C11orf65: variants seen among roughly 807,000 people sequenced by gnomAD.
C11orf65 encodes the protein chromosome 11 open reading frame 65, also known as protein MFI.
C11orf65 carries 38 observed loss-of-function variants against 35.3 expected under a neutral mutation model. The observed-to-expected ratio is 1.08, with a 90% CI of 0.83 to 1.41. C11orf65 has a LOEUF of 1.41. Among genes scored for constraint, C11orf65 ranks in the 40% most tolerant of loss-of-function variants. The pLI, the probability that C11orf65 is intolerant of heterozygous loss-of-function variation, is 0.00. For synonymous variants in C11orf65, 105 were observed against 114.4 expected (o/e 0.92, Z 0.53); for missense variants, 370 against 367.1 (o/e 1.01, Z -0.06).
At chr11:108,354,932 T>A (rs547667907) in intron 2 of C11orf65, 2 of 1,429,470 alleles carry the variant, frequency 1.4e-6, no homozygotes, top group Non-Finnish European at 2.0e-6. Context: ...ACTGTGTATC[T>A]CATCAGGAAG....
intron 2 of C11orf65, among the ~76,000 whole-genome samples, chr11:108,337,329 A>G (rs2086959343): frequency 6.6e-6 from 1 of 152,222 alleles, no homozygotes; most frequent in Admixed American, 6.5e-5. Flanking sequence ...GATGTTTTCC[A>G]TTAGCAGTTT....
intron 3 of C11orf65, among the ~76,000 whole-genome samples, chr11:108,411,604 G>A (rs1272108258): frequency 6.6e-6 from 1 of 152,090 alleles, no homozygotes; most frequent in African/African-American, 2.4e-5. Flanking sequence ...GACTATGCTT[G>A]ATGATTACTA....
At chr11:108,356,741 T>TA (rs2089975314) in intron 2 of C11orf65, among the ~76,000 whole-genome samples, 1 of 152,118 alleles carries the variant, frequency 6.6e-6, no homozygotes, top group African/African-American at 2.4e-5. Context: ...TCAGAAATCT[T>TA]ACTAGTTTAA....
rs876660650 is a variant in C11orf65 at position 108,325,349 on chromosome 11, G to A, written c.641-16278C>T. 2 of 1,601,492 alleles carry A rather than the reference G, an allele frequency of 1.2e-6. No individual in the cohort carries two copies. The highest frequency in any genetic ancestry group is 1.1e-5 in the South Asian group (1 of 90,676). ...GACAACTCTCTGAAGTATATATTAAGTGGCAGAAACACTCCCAGCTTCTCA... is the reference window on the plus strand; with the variant it reads ...GACAACTCTCTGAAGTATATATTAAATGGCAGAAACACTCCCAGCTTCTCA... On this transcript the variant is annotated intron_variant, in intron 6 of 6. Coordinates refer to the C11orf65 transcript ENST00000525729.
intron 2 of C11orf65, among the ~76,000 whole-genome samples, chr11:108,373,714 G>A (rs551022749): frequency 1.3e-5 from 2 of 152,246 alleles, no homozygotes; most frequent in African/African-American, 4.8e-5. Flanking sequence ...AGCCGAAGCA[G>A]GGCGTGGCAT....
At chr11:108,366,406 TG>T (rs2091333715) in intron 2 of C11orf65, 3 of 218,330 alleles carry the variant, frequency 1.4e-5, no homozygotes, top group Non-Finnish European at 2.8e-5. Flanking sequence ...GTTTTTTTAA[TG>T]TTTTTTATGT....
At chr11:108,389,334 C>A (rs773978673) in intron 7 of C11orf65, among the ~76,000 whole-genome samples, 1 of 152,120 alleles carries the variant, frequency 6.6e-6, no homozygotes, top group African/African-American at 2.4e-5. Context: ...TAGGGGAAGG[C>A]CTTTGCAAAG....
intron 2 of C11orf65, among the ~76,000 whole-genome samples, chr11:108,374,305 T>C (rs2091656134): frequency 6.6e-6 from 1 of 152,112 alleles, no homozygotes; most frequent in South Asian, 2.1e-4. Flanking sequence ...AGAGGAACGA[T>C]CAGACAGCAG....
intron 2 of C11orf65, chr11:108,353,667 T>A: frequency 4.3e-6 from 4 of 935,908 alleles, no homozygotes; most frequent in Non-Finnish European, 7.0e-6. Context: ...AGAACGTAGG[T>A]AACATGTGGT....
chr11:108,310,786 TAA>T (rs1020716241), intron 6 of C11orf65, among the ~76,000 whole-genome samples: 94 of 152,256 alleles, frequency 6.2e-4, no homozygotes, highest in African/African-American at 2.1e-3. Flanking sequence ...TGTGACTAAT[TAA>T]GTTTCATTTC....
chr11:108,442,733 T>A (rs746386495), intron 2 of C11orf65, among the ~76,000 whole-genome samples: 1 of 152,158 alleles, frequency 6.6e-6, no homozygotes, highest in Non-Finnish European at 1.5e-5. Flanking sequence ...CTAAGCTTCA[T>A]CAGTGAAGGA....
At chr11:108,361,663 T>C (rs1042650854) in intron 2 of C11orf65, among the ~76,000 whole-genome samples, 1 of 151,714 alleles carries the variant, frequency 6.6e-6, no homozygotes, top group African/African-American at 2.4e-5. Context: ...AACTATCTGA[T>C]CTTTGACAAA....
chr11:108,408,481 G>T (rs2092587760), intron 3 of C11orf65, among the ~76,000 whole-genome samples: 1 of 151,662 alleles, frequency 6.6e-6, no homozygotes, highest in African/African-American at 2.4e-5. Flanking sequence ...TCCAAAGCCA[G>T]CCTGGCCAAC....
chr11:108,448,059 A>G (rs2093290335), intron 2 of C11orf65, among the ~76,000 whole-genome samples: 1 of 152,220 alleles, frequency 6.6e-6, no homozygotes, highest in South Asian at 2.1e-4. Flanking sequence ...TCCTTGACAC[A>G]TACACCCTCC....
chr11:108,327,037 A>C (rs2085748466), downstream of C11orf65, among the ~76,000 whole-genome samples: 1 of 152,096 alleles, frequency 6.6e-6, no homozygotes, highest in East Asian at 1.9e-4. Context: ...CATGTTGGCA[A>C]GACTGGTCTC....
At chr11:108,425,595 T>C (rs902954351) in intron 3 of C11orf65, among the ~76,000 whole-genome samples, 2 of 152,196 alleles carry the variant, frequency 1.3e-5, no homozygotes, top group African/African-American at 4.8e-5. Flanking sequence ...CCATTCCTTC[T>C]GAAACTATTC....
intron 6 of C11orf65, among the ~76,000 whole-genome samples, chr11:108,313,881 A>T (rs1565495924): frequency 2.0e-5 from 3 of 151,834 alleles, no homozygotes; most frequent in Admixed American, 1.3e-4. Context: ...TTTCTATTTT[A>T]TTTTTTTTAT....
At chr11:108,395,811 C>T (rs111374263) in intron 6 of C11orf65, among the ~76,000 whole-genome samples, 9 of 148,942 alleles carry the variant, frequency 6.0e-5, no homozygotes, top group African/African-American at 1.2e-4. Flanking sequence ...TTAGTAGAGA[C>T]GGGATTTCAC....
At chr11:108,448,132 G>A (rs1453101798) in intron 2 of C11orf65, among the ~76,000 whole-genome samples, 1 of 152,142 alleles carries the variant, frequency 6.6e-6, no homozygotes, top group African/African-American at 2.4e-5. Flanking sequence ...TGAAATTGTG[G>A]CAATAATCAA....
Sources: allele counts gnomAD v4.1 joint callset (sites outside exome capture counted in the v4.1 genomes callset), GRCh38; gene constraint gnomAD v4.1.1; transcripts MANE v1.5; gene names NCBI Gene and HGNC (gene_info 2026-07-23, HGNC 2026-07-21).